The following SFI1 variants were observed in gnomAD, a reference collection of about 807,000 sequenced individuals.
The protein encoded by SFI1 is SFI1 centrin binding protein, also known as protein SFI1 homolog.
In SFI1, 195 loss-of-function variants were observed where a neutral mutation model predicts 207.5. That is an observed-to-expected ratio of 0.94 (90% confidence interval 0.84 to 1.06). SFI1 has a LOEUF of 1.06. Among genes scored for constraint, SFI1 ranks in the 50% least tolerant of loss-of-function variants. SFI1 has a pLI of 0.00. For synonymous variants in SFI1, 630 were observed against 598.9 expected (o/e 1.05, Z -0.76); for missense variants, 1,634 against 1,588.0 (o/e 1.03, Z -0.49).
chr22:31,496,867 C>G (rs755653712), intron 1 of SFI1, among the ~76,000 whole-genome samples: 5 of 152,260 alleles, frequency 3.3e-5, no homozygotes, highest in African/African-American at 7.2e-5. Flanking sequence ...GCCATCCTCT[C>G]CCGCCGCGTC....
At chr22:31,584,796 A>G (rs1226479603) in intron 13 of SFI1, among the ~76,000 whole-genome samples, 1 of 152,088 alleles carries the variant, frequency 6.6e-6, no homozygotes, top group Non-Finnish European at 1.5e-5. Flanking sequence ...GATTTCACAC[A>G]TATTTCCTAA....
At chr22:31,503,872 C>T (rs551319621) in intron 1 of SFI1, among the ~76,000 whole-genome samples, 3 of 151,502 alleles carry the variant, frequency 2.0e-5, no homozygotes, top group Non-Finnish European at 2.9e-5. Flanking sequence ...TACAGGCATG[C>T]GCCACTGTCC....
At chr22:31,519,363 T>G (rs2056927796) in intron 2 of SFI1, among the ~76,000 whole-genome samples, 1 of 151,490 alleles carries the variant, frequency 6.6e-6, no homozygotes, top group Non-Finnish European at 1.5e-5. Context: ...CTTGAACTCC[T>G]GGGTTCAAGT....
At chr22:31,525,451 G>T (rs1474472402) in intron 2 of SFI1, among the ~76,000 whole-genome samples, 1 of 152,074 alleles carries the variant, frequency 6.6e-6, no homozygotes, top group East Asian at 1.9e-4. Flanking sequence ...ATTGGCACTG[G>T]GTGCGATGGG....
At chr22:31,609,664 C>T (rs940745480) in intron 22 of SFI1, among the ~76,000 whole-genome samples, 1 of 152,224 alleles carries the variant, frequency 6.6e-6, no homozygotes, top group South Asian at 2.1e-4. Flanking sequence ...GGGACAAAAC[C>T]CTGGGGTCAG....
At chr22:31,546,072 T>G (rs981258314) in intron 4 of SFI1, among the ~76,000 whole-genome samples, 2 of 151,382 alleles carry the variant, frequency 1.3e-5, no homozygotes, top group Non-Finnish European at 2.9e-5. Context: ...ATTTTTTATT[T>G]TTTGTAGAGA....
chr22:31,506,067 TGAGACA>T lies in SFI1; in HGVS notation c.-30-2184_-30-2179del, dbSNP rs1316256205. ...ATCCTGTCTTTTTTTTTTTTTTTTC[TGAGACA>T]GAGTCTTGCTCTGTTGCCCAGGCTG... On this transcript the variant is annotated intron_variant, in intron 1 of 32. Transcript: ENST00000400288. 5.3e-5 allele frequency among the ~76,000 whole-genome samples: 8 copies of T among 150,434 alleles called. No individual in the cohort carries two copies. The East Asian group carries it at 1.4e-3, about 26-fold the overall frequency.
At chr22:31,617,472 G>C (rs1246419698) in intron 31 of SFI1, among the ~76,000 whole-genome samples, 1 of 152,252 alleles carries the variant, frequency 6.6e-6, no homozygotes, top group African/African-American at 2.4e-5. Flanking sequence ...TGTCATCCCA[G>C]CACTTTGAGA....
chr22:31,508,813 C>A (rs79505138), intron 2 of SFI1, among the ~76,000 whole-genome samples: 4,561 of 152,124 alleles, frequency 0.03, 107 homozygotes, highest in South Asian at 0.079. Flanking sequence ...GGTAATTGTT[C>A]CCTCCCCTCA....
intron 2 of SFI1, among the ~76,000 whole-genome samples, chr22:31,526,548 A>AT (rs2057934138): frequency 6.6e-6 from 1 of 152,146 alleles, no homozygotes; most frequent in Non-Finnish European, 1.5e-5. Context: ...GGCACAGCTA[A>AT]ACCATATCAA....
chr22:31,531,228 A>G (rs892651971), intron 4 of SFI1, 99 bp downstream of exon 4: 1 of 949,994 alleles, frequency 1.1e-6, no homozygotes, highest in African/African-American at 1.7e-5. Context: ...TTGTGCTGTT[A>G]CATTCCTCCC....
chr22:31,611,538 C>T (rs1198806626), intron 23 of SFI1, among the ~76,000 whole-genome samples: 2 of 152,222 alleles, frequency 1.3e-5, no homozygotes, highest in African/African-American at 2.4e-5. Context: ...GACGGCTCAG[C>T]GGAAAAACCC....
chr22:31,529,067 C>A, intron 3 of SFI1: 1 of 502,716 alleles, frequency 2.0e-6, no homozygotes, highest in Non-Finnish European at 3.5e-6. Context: ...CATTTCTCCA[C>A]TTGTGCCTCA....
At chr22:31,568,165 ATGTGTG>A (rs751455847) in intron 8 of SFI1, among the ~76,000 whole-genome samples, 195 of 119,036 alleles carry the variant, frequency 1.6e-3, no homozygotes, top group African/African-American at 3.9e-3. Flanking sequence ...CTATATATAT[ATGTGTG>A]TGTGTGTGTG....
chr22:31,616,681 G>T (rs1454993121), intron 29 of SFI1, 64 bp from the exon 30 acceptor site: 2 of 1,494,618 alleles, frequency 1.3e-6, no homozygotes, highest in Non-Finnish European at 1.8e-6. Context: ...CAAGGACTTG[G>T]TGTCCCCCTC....
intron 6 of SFI1, among the ~76,000 whole-genome samples, chr22:31,554,607 CT>C (rs71202098): frequency 0.98 from 130,826 of 133,344 alleles, 64,187 homozygotes; most frequent in East Asian, 1. Flanking sequence ...TGCGCCCAGC[CT>C]TTTTTTTTTT....
intron 4 of SFI1, among the ~76,000 whole-genome samples, chr22:31,533,620 C>T (rs192056520): frequency 6.6e-6 from 1 of 152,188 alleles, no homozygotes; most frequent in East Asian, 1.9e-4. Flanking sequence ...GCAAGCAGGG[C>T]AGCTGAGCTG....
chr22:31,522,549 T>G (rs1179122010), intron 2 of SFI1, among the ~76,000 whole-genome samples: 2 of 152,178 alleles, frequency 1.3e-5, no homozygotes, highest in African/African-American at 2.4e-5. Flanking sequence ...TTCTAAGAAT[T>G]TGCTTGTTCT....
chr22:31,508,457 A>G (rs1045465153), intron 2 of SFI1, 81 bp downstream of exon 2: 4 of 1,053,948 alleles, frequency 3.8e-6, no homozygotes, highest in African/African-American at 3.2e-5. Context: ...TGAAAAAATT[A>G]TAAATTATGA....
Sources: gnomAD v4.1 joint callset for allele counts (sites outside exome capture counted in the v4.1 genomes callset) on GRCh38, gnomAD v4.1.1 for gene constraint, MANE v1.5 for transcripts, NCBI Gene and HGNC (gene_info 2026-07-23, HGNC 2026-07-21) for gene names.